The following PDZRN3 variants were observed in gnomAD, a reference collection of about 807,000 sequenced individuals.
PDZRN3 encodes the protein E3 ubiquitin-protein ligase PDZRN3.
In PDZRN3, 38 loss-of-function variants were observed where a neutral mutation model predicts 85.7. The observed-to-expected ratio is 0.44, with a 90% CI of 0.34 to 0.58. PDZRN3 has a LOEUF of 0.58. Among genes scored for constraint, PDZRN3 ranks in the 20% least tolerant of loss-of-function variants. The probability of loss-of-function intolerance (pLI) is 0.01; values close to 1 mark genes in which losing one functional copy is unlikely to be tolerated. For synonymous variants in PDZRN3, 759 were observed against 638.0 expected (o/e 1.19, Z -2.86); for missense variants, 1,629 against 1,506.4 (o/e 1.08, Z -1.35).
At chr3:73,495,588 T>C (rs1305235517) in intron 3 of PDZRN3, among the ~76,000 whole-genome samples, 1 of 152,252 alleles carries the variant, frequency 6.6e-6, no homozygotes, top group Non-Finnish European at 1.5e-5. Context: ...TATTCTGCTA[T>C]TGATGGACAC....
At chr3:73,436,726 G>C (rs1418129223) in intron 3 of PDZRN3, among the ~76,000 whole-genome samples, 3 of 152,048 alleles carry the variant, frequency 2.0e-5, no homozygotes, top group Non-Finnish European at 4.4e-5. Context: ...TAACATTTTG[G>C]CCTTAGGAAC....
chr3:73,576,819 CAAAG>C (rs773815344), intron 3 of PDZRN3, among the ~76,000 whole-genome samples: 3 of 151,852 alleles, frequency 2.0e-5, no homozygotes, highest in South Asian at 2.1e-4. Context: ...GAGTTATAGA[CAAAG>C]AAGTCAAAGT....
chr3:73,612,452 T>C (rs987856932), intron 1 of PDZRN3, among the ~76,000 whole-genome samples: 3 of 152,202 alleles, frequency 2.0e-5, no homozygotes, highest in African/African-American at 4.8e-5. Flanking sequence ...TAAGGCTTCT[T>C]TGGACTATGC....
intron 3 of PDZRN3, among the ~76,000 whole-genome samples, chr3:73,420,357 A>G (rs1473809854): frequency 1.3e-5 from 2 of 152,212 alleles, no homozygotes; most frequent in Non-Finnish European, 2.9e-5. Flanking sequence ...TCCTCCATCT[A>G]AGACCAGGAC....
chr3:73,546,248 T>C (rs574084374), intron 3 of PDZRN3, among the ~76,000 whole-genome samples: 2 of 152,288 alleles, frequency 1.3e-5, no homozygotes, highest in East Asian at 3.9e-4. Flanking sequence ...GTGAGGGTAT[T>C]AAAAGGAAGA....
At chr3:73,501,592 A>G (rs372248185) in intron 3 of PDZRN3, among the ~76,000 whole-genome samples, 4 of 152,150 alleles carry the variant, frequency 2.6e-5, no homozygotes, top group East Asian at 3.8e-4. Context: ...CATAAATAAT[A>G]ATGTTGGAAA....
chr3:73,509,352 C>T (rs1219163621), intron 3 of PDZRN3, among the ~76,000 whole-genome samples: 1 of 152,180 alleles, frequency 6.6e-6, no homozygotes, highest in Non-Finnish European at 1.5e-5. Flanking sequence ...GGACGCAGAC[C>T]CATGCGGTCT....
intron 8 of PDZRN3, among the ~76,000 whole-genome samples, 190 bp downstream of exon 8, chr3:73,387,778 G>A (rs1701428629): frequency 6.6e-6 from 1 of 152,152 alleles, no homozygotes. Flanking sequence ...AGATGCCAGG[G>A]TGGGCATCTA....
Position 73,384,238 on chromosome 3 carries a change from G to T in PDZRN3, c.2328C>A (p.Asp776Glu), listed in dbSNP as rs1430043537. ...CCTCCGCCGCTCTCCTCAAGGAGTT[G>T]TCGGGGGAGATCTCCAGGGTGAGCG... ...STPLTLEISPDNSLRRAAEGI... is the reference protein window; with the variant it reads ...STPLTLEISPENSLRRAAEGI... The change falls in exon 10 of 10, where the codon GAC becomes GAA. Residue 776 changes from aspartate to glutamate, a missense_variant. Transcript: ENST00000263666. 2 of 1,613,628 alleles carry T rather than the reference G, an allele frequency of 1.2e-6. No homozygotes were observed. The highest frequency in any genetic ancestry group is 1.7e-5 in the Admixed American group (1 of 60,030).
At chr3:73,402,571 G>A (rs1701770819) in intron 4 of PDZRN3, 1 of 152,266 alleles carries the variant, frequency 6.6e-6, no homozygotes, top group Non-Finnish European at 1.5e-5. Context: ...GAGTGAATGT[G>A]AGACGGATGC....
At chr3:73,471,456 T>C (rs1408814327) in intron 3 of PDZRN3, among the ~76,000 whole-genome samples, 3 of 152,248 alleles carry the variant, frequency 2.0e-5, no homozygotes. Flanking sequence ...ATAGTATCTA[T>C]GTAATAAATT....
chr3:73,466,074 A>G (rs1703206243), intron 3 of PDZRN3, among the ~76,000 whole-genome samples: 1 of 152,196 alleles, frequency 6.6e-6, no homozygotes, highest in Non-Finnish European at 1.5e-5. Context: ...GGAAAAGGCA[A>G]CTGGGGGCTC....
At chr3:73,494,066 T>C (rs979178638) in intron 3 of PDZRN3, among the ~76,000 whole-genome samples, 1 of 152,258 alleles carries the variant, frequency 6.6e-6, no homozygotes, top group African/African-American at 2.4e-5. Flanking sequence ...CTTTAGCCAA[T>C]GAATTGTCAT....
At chr3:73,502,838 G>A (rs1486300813) in intron 3 of PDZRN3, among the ~76,000 whole-genome samples, 1 of 152,134 alleles carries the variant, frequency 6.6e-6, no homozygotes, top group Non-Finnish European at 1.5e-5. Flanking sequence ...TCCTCTCTCA[G>A]TTGAAACGAA....
At chr3:73,450,848 T>C (rs1319612880) in intron 3 of PDZRN3, among the ~76,000 whole-genome samples, 1 of 152,132 alleles carries the variant, frequency 6.6e-6, no homozygotes, top group Non-Finnish European at 1.5e-5. Flanking sequence ...ACCCTCTGGA[T>C]GAGACCTGCA....
At chr3:73,416,888 T>TG (rs1559667724) in intron 3 of PDZRN3, among the ~76,000 whole-genome samples, 33 of 32,922 alleles carry the variant, frequency 1.0e-3, no homozygotes, top group African/African-American at 3.9e-3. Context: ...TTTTTTTTTT[T>TG]TTTTTTTTTT....
intron 3 of PDZRN3, among the ~76,000 whole-genome samples, chr3:73,461,186 T>C (rs1029434583): frequency 2.8e-4 from 43 of 152,234 alleles, no homozygotes; most frequent in African/African-American, 1.0e-3. Context: ...TCTCATTTTA[T>C]CATGTTAGGA....
At chr3:73,610,269 T>C (rs1322429904) in intron 1 of PDZRN3, among the ~76,000 whole-genome samples, 1 of 152,130 alleles carries the variant, frequency 6.6e-6, no homozygotes, top group African/African-American at 2.4e-5. Context: ...GAATTATATA[T>C]AAAAAAGAAG....
At chr3:73,598,948 G>T (rs62248673) in intron 3 of PDZRN3, among the ~76,000 whole-genome samples, 2 of 152,174 alleles carry the variant, frequency 1.3e-5, no homozygotes, top group Non-Finnish European at 2.9e-5. Context: ...AACAATAGGG[G>T]TATGTGCCAG....
Sources: allele counts gnomAD v4.1 joint callset (sites outside exome capture counted in the v4.1 genomes callset), GRCh38; gene constraint gnomAD v4.1.1; transcripts MANE v1.5; gene names NCBI Gene and HGNC (gene_info 2026-07-23, HGNC 2026-07-21).